Variants in CACNA1B observed in about 807,000 individuals in gnomAD.
CACNA1B encodes voltage-dependent N-type calcium channel subunit alpha-1B.
CACNA1B carries 70 observed loss-of-function variants against 247.2 expected under a neutral mutation model. The ratio of observed to expected loss-of-function variants is 0.28; its 90% CI spans 0.23 to 0.35. The LOEUF is 0.35. CACNA1B is among the 10% of genes least tolerant of loss of function. The pLI is 1.00. For missense variants in CACNA1B, 2,367 were observed against 3,197.4 expected (o/e 0.74, Z 6.26); for synonymous variants, 1,231 against 1,294.4 (o/e 0.95, Z 1.05).
At chr9:137,972,621 G>C (rs1589041911) in intron 11 of CACNA1B, among the ~76,000 whole-genome samples, 1 of 152,334 alleles carries the variant, frequency 6.6e-6, no homozygotes, top group East Asian at 1.9e-4. Context: ...CTGCCCAGGA[G>C]TGTGAGGGTT....
intron 44 of CACNA1B, among the ~76,000 whole-genome samples, chr9:138,119,125 A>AC (rs1221769118): frequency 6.6e-6 from 1 of 151,362 alleles, no homozygotes; most frequent in African/African-American, 2.4e-5. Flanking sequence ...CCCTGAGACA[A>AC]CCCCCACTCT....
chr9:138,047,244 T>G (rs761200325), intron 22 of CACNA1B, among the ~76,000 whole-genome samples, 155 bp from the exon 23 acceptor site: 6 of 152,186 alleles, frequency 3.9e-5, no homozygotes, highest in Non-Finnish European at 8.8e-5. Context: ...CAGACGGTGC[T>G]TGTCAGAGAC....
At chr9:137,924,018 T>C (rs1309707604) in intron 6 of CACNA1B, among the ~76,000 whole-genome samples, 3 of 152,314 alleles carry the variant, frequency 2.0e-5, no homozygotes, top group Middle Eastern at 3.4e-3. Flanking sequence ...TTCTTTGTCA[T>C]ATATATGGTT....
At chr9:137,982,154 G>A (rs1958301881) in intron 12 of CACNA1B, among the ~76,000 whole-genome samples, 1 of 152,162 alleles carries the variant, frequency 6.6e-6, no homozygotes, top group Non-Finnish European at 1.5e-5. Flanking sequence ...AGGAATCAGG[G>A]TGGCTTAACT....
At position 137,899,219 on chromosome 9, in the gene CACNA1B, C is replaced by G. The variant is rs1313935891; in HGVS notation, c.531-13961C>G. Among the ~76,000 whole-genome samples, 1 of 151,722 alleles carries G rather than the reference C, an allele frequency of 6.6e-6. No homozygotes were observed. ...TGTCCTGCCTTAGCTTCTTGGGTAG[C>G]GGGATTACAGGCGCGCTCCACCATG... On this transcript the variant is annotated intron_variant, in intron 3 of 46. Coordinates refer to ENST00000371372, the MANE Select transcript of CACNA1B (RefSeq NM_000718.4). This position sits in a 1 kb window ranked among gnomAD's most constrained non-coding sequence, Gnocchi z 5.0.
intron 6 of CACNA1B, among the ~76,000 whole-genome samples, chr9:137,932,971 C>T (rs981497500): frequency 3.9e-5 from 6 of 152,054 alleles, no homozygotes; most frequent in East Asian, 3.9e-4. Flanking sequence ...CTCTCTCTGT[C>T]GCCTAGGCTG....
chr9:138,082,751 A>G (rs1050352442), intron 36 of CACNA1B, among the ~76,000 whole-genome samples: 1 of 151,302 alleles, frequency 6.6e-6, no homozygotes, highest in Non-Finnish European at 1.5e-5. Flanking sequence ...AAGATGGCTG[A>G]CCTTCCACCT....
chr9:137,947,212 G>A (rs759043583), intron 6 of CACNA1B, among the ~76,000 whole-genome samples: 5 of 152,178 alleles, frequency 3.3e-5, no homozygotes, highest in Admixed American at 6.5e-5. Context: ...CTATGCTAAT[G>A]AAGACTTGGC....
chr9:138,043,943 C>T, intron 21 of CACNA1B, 43 bp downstream of exon 21: 2 of 1,602,166 alleles, frequency 1.2e-6, no homozygotes, highest in Non-Finnish European at 1.7e-6. Context: ...GCCCACTCAC[C>T]CATGCATCAT....
intron 38 of CACNA1B, 23 bp from the exon 39 acceptor site, chr9:138,105,676 T>G: frequency 7.2e-7 from 1 of 1,395,640 alleles, no homozygotes; most frequent in Non-Finnish European, 9.9e-7. Flanking sequence ...GGCCTGGCCC[T>G]GACCGGCCCT....
chr9:138,013,264 T>C (rs1427582149), intron 18 of CACNA1B, 29 bp downstream of exon 18: 1 of 1,514,776 alleles, frequency 6.6e-7, no homozygotes, highest in Non-Finnish European at 8.9e-7. Context: ...GATTGTGGGG[T>C]GGCAGTGGGG....
At position 138,072,893 on chromosome 9, in the gene CACNA1B, A is replaced by G. The variant is rs2133535423; in HGVS notation, c.4675-595A>G. On this transcript the variant is annotated intron_variant, in intron 32 of 46. Coordinates refer to ENST00000371372, the MANE Select transcript of CACNA1B (RefSeq NM_000718.4). This position sits in a 1 kb window ranked among gnomAD's most constrained non-coding sequence, Gnocchi z 4.5. ...CAGAGGTGGCTTCCGTGGTGTGAGC[A>G]GCAGAACACCTGTACCTTCCATAAC... Among the ~76,000 whole-genome samples, 1 of 152,348 alleles carries G rather than the reference A, an allele frequency of 6.6e-6. No individual in the cohort carries two copies. Among genetic ancestry groups the G allele is most frequent in the Middle Eastern group, 3.4e-3 (1 of 294 alleles).
intron 15 of CACNA1B, among the ~76,000 whole-genome samples, chr9:138,005,190 C>T (rs1958631996): frequency 6.6e-6 from 1 of 152,228 alleles, no homozygotes; most frequent in Admixed American, 6.5e-5. Context: ...GCACTATTCA[C>T]AGTAGCAAAG....
intron 10 of CACNA1B, among the ~76,000 whole-genome samples, chr9:137,962,910 A>G (rs1303765288): frequency 6.6e-6 from 1 of 152,156 alleles, no homozygotes; most frequent in Non-Finnish European, 1.5e-5. Flanking sequence ...CTTGATCCAG[A>G]GGTGAGTTCA....
At chr9:137,898,631 G>A (rs1200953761) in intron 3 of CACNA1B, among the ~76,000 whole-genome samples, 2 of 150,734 alleles carry the variant, frequency 1.3e-5, no homozygotes, top group Non-Finnish European at 1.5e-5. Flanking sequence ...TCAGCCTCCC[G>A]AGTAGCTGGG....
At chr9:138,094,385 C>A (rs1036650016) in intron 36 of CACNA1B, among the ~76,000 whole-genome samples, 1 of 146,928 alleles carries the variant, frequency 6.8e-6, no homozygotes. Context: ...TGCCACTGAC[C>A]TCTACACTTA....
intron 3 of CACNA1B, among the ~76,000 whole-genome samples, chr9:137,906,684 T>C (rs1405999674): frequency 6.6e-6 from 1 of 152,232 alleles, no homozygotes; most frequent in Non-Finnish European, 1.5e-5. Flanking sequence ...CCATGTGATG[T>C]CTTATTTAAC....
rs1054850251 is a variant in CACNA1B, at chr9:138,073,213, T to A, written c.4675-275T>A. On this transcript the variant is annotated intron_variant, in intron 32 of 46. Transcript: ENST00000371372. The surrounding 1 kb of genome is among the most constrained non-coding windows in gnomAD (Gnocchi z 6.4). The stretch of plus-strand genomic sequence containing the variant: ...TGCCTGGGAGAACTTTTCTTTCTGT[T>A]GCTCACGGTTGGGGGTGGGGAGGGG... 6.6e-6 allele frequency among the ~76,000 whole-genome samples: 1 copy of A among 152,186 alleles called. No individual in the cohort carries two copies. Among genetic ancestry groups the A allele is most frequent in the Non-Finnish European group, 1.5e-5 (1 of 68,028 alleles).
chr9:137,905,224 G>T (rs571280266), intron 3 of CACNA1B, among the ~76,000 whole-genome samples: 5 of 151,910 alleles, frequency 3.3e-5, no homozygotes, highest in South Asian at 2.1e-4. Flanking sequence ...GTGGTGGCAC[G>T]TGCCTGTAGT....
Sources: gnomAD v4.1 joint callset for allele counts (sites outside exome capture counted in the v4.1 genomes callset) on GRCh38, gnomAD v4.1.1 for gene constraint, Gnocchi (gnomAD v3.1) non-coding constraint, MANE v1.5 for transcripts, NCBI Gene and HGNC (gene_info 2026-07-23, HGNC 2026-07-21) for gene names.